Variants in NPR3 observed in about 807,000 individuals in gnomAD.
NPR3 encodes atrial natriuretic peptide receptor 3.
A neutral mutation model predicts 54.5 loss-of-function variants in NPR3; 34 were observed. The ratio of observed to expected loss-of-function variants is 0.62; its 90% CI spans 0.47 to 0.83. The LOEUF (loss-of-function observed/expected upper bound fraction) is 0.83. NPR3 is among the 40% of genes least tolerant of loss of function. The probability of loss-of-function intolerance (pLI) is 0.00; values close to 1 mark genes in which losing one functional copy is unlikely to be tolerated. For missense variants in NPR3, 674 were observed against 720.8 expected, an observed-to-expected ratio of 0.94 and a Z score of 0.74; for synonymous variants, 289 against 297.1, an observed-to-expected ratio of 0.97 and a Z score of 0.28.
upstream of NPR3, among the ~76,000 whole-genome samples, chr5:32,707,663 A>G (rs1738031863): frequency 6.6e-6 from 1 of 152,178 alleles, no homozygotes; most frequent in Admixed American, 6.5e-5. Context: ...GTATTCTCGA[A>G]TACAACTTTA....
intron 1 of NPR3, among the ~76,000 whole-genome samples, chr5:32,692,101 A>G (rs1288950157): frequency 6.6e-6 from 1 of 152,214 alleles, no homozygotes; most frequent in Non-Finnish European, 1.5e-5. Flanking sequence ...TAAGACAAGA[A>G]CCTTGCAGAT....
rs1221547326 is a variant in NPR3, at chr5:32,789,449, T to C, written c.*3104T>C. 1 of 532,398 alleles carries C rather than the reference T, an allele frequency of 1.9e-6. No homozygotes were observed. Among genetic ancestry groups the C allele is most frequent in the South Asian group, 1.4e-5 (1 of 71,094 alleles). The allele number at this position is 532,398 out of a possible 1,614,324, so 33.0% of individuals were successfully genotyped here. A position where few individuals can be genotyped will look rare whatever the true frequency, so the allele number is the denominator to read the frequency against. On this transcript the variant is annotated 3_prime_UTR_variant, in exon 8 of 8. Transcript: ENST00000265074. ...CACATTTCTCTGAAGAACCATCAAC[T>C]TGTCTTTTCTTGAACCACAGGAATG...
chr5:32,716,460 T>C (rs1476677243), intron 1 of NPR3: 1 of 451,890 alleles, frequency 2.2e-6, no homozygotes, highest in African/African-American at 2.0e-5. Context: ...TAACCACACA[T>C]GCAAGCTTTC....
At chr5:32,715,558 T>C (rs1308151878) in intron 1 of NPR3, among the ~76,000 whole-genome samples, 1 of 152,234 alleles carries the variant, frequency 6.6e-6, no homozygotes, top group Non-Finnish European at 1.5e-5. Context: ...CTGTCATGTC[T>C]TTCGCTAATG....
chr5:32,729,323 C>G (rs545221997), intron 2 of NPR3, among the ~76,000 whole-genome samples: 9 of 152,160 alleles, frequency 5.9e-5, no homozygotes, highest in South Asian at 2.1e-4. Flanking sequence ...GCCACCGAGC[C>G]CGGCCTGCCT....
chr5:32,765,238 T>C (rs571106215), intron 3 of NPR3, among the ~76,000 whole-genome samples: 5 of 152,310 alleles, frequency 3.3e-5, no homozygotes, highest in African/African-American at 1.2e-4. Context: ...TCTCAGGTAT[T>C]CAAGACATGG....
rs1742879417 is a variant in NPR3 at position 32,790,997 on chromosome 5, C to G, written c.*4652C>G. On this transcript the variant is annotated 3_prime_UTR_variant, in exon 8 of 8. Transcript: ENST00000265074. ...AAGGGCCTACTTACCAAGTGTAAAT[C>G]ACAACATAGGCTACCAAAATATTTC... 3.0e-5 allele frequency: 5 copies of G among 167,054 alleles called. 1 individual carries two copies. The highest frequency in any genetic ancestry group is 7.3e-5 in the Non-Finnish European group (5 of 68,102). The allele number at this position is 167,054 out of a possible 1,614,324, so 10.3% of individuals were successfully genotyped here.
intron 4 of NPR3, among the ~76,000 whole-genome samples, chr5:32,777,264 A>G (rs1486083080): frequency 6.6e-6 from 1 of 152,254 alleles, no homozygotes; most frequent in African/African-American, 2.4e-5. Flanking sequence ...AATAAACTAT[A>G]TATGCTTATG....
At chr5:32,690,961 G>A (rs1462346471) in intron 1 of NPR3, among the ~76,000 whole-genome samples, 1 of 152,168 alleles carries the variant, frequency 6.6e-6, no homozygotes, top group East Asian at 1.9e-4. Context: ...GGACCTTCTT[G>A]CTCCAGATAA....
rs1742821841 is a variant in NPR3, at chr5:32,789,847, T to C, written c.*3502T>C. ...TTCTTGTAAGCCAGTATACACTGGC[T>C]ATTTGTGGAAATCTCTTTGGGAGAT... On this transcript the variant is annotated 3_prime_UTR_variant, in exon 8 of 8. Transcript: ENST00000265074. 1 of 449,882 alleles carries C rather than the reference T, an allele frequency of 2.2e-6. No homozygotes were observed. Among genetic ancestry groups the C allele is most frequent in the Non-Finnish European group, 4.5e-6 (1 of 223,018 alleles). The allele number at this position is 449,882 out of a possible 1,614,324, so 27.9% of individuals were successfully genotyped here.
chr5:32,696,530 G>T (rs1093565), intron 1 of NPR3, among the ~76,000 whole-genome samples: 105,874 of 151,742 alleles, frequency 0.7, 37,767 homozygotes, highest in African/African-American at 0.81. Flanking sequence ...TTTTTTCTAG[G>T]TCTGTGAAGA....
At position 32,786,776 on chromosome 5, in the gene NPR3, G is replaced by C. The variant is rs1237095755; in HGVS notation, c.*431G>C. The C allele has an allele frequency of 5.7e-6, 1 of 176,052 alleles. No homozygotes were observed. Among genetic ancestry groups the C allele is most frequent in the East Asian group, 1.8e-4 (1 of 5,490 alleles). The allele number at this position is 176,052 out of a possible 1,614,324, so 10.9% of individuals were successfully genotyped here. A position where few individuals can be genotyped will look rare whatever the true frequency, so the allele number is the denominator to read the frequency against. On this transcript the variant is annotated 3_prime_UTR_variant, in exon 8 of 8. Coordinates refer to ENST00000265074, the MANE Select transcript of NPR3 (RefSeq NM_001204375.2). The stretch of plus-strand genomic sequence containing the variant: ...GGAAAGAATTTAACACCCAAAAAGG[G>C]GAAAATGTAATGAAAAATCTCAAGG...
intron 1 of NPR3, among the ~76,000 whole-genome samples, chr5:32,693,019 G>A (rs1355477123): frequency 3.3e-5 from 5 of 152,240 alleles, no homozygotes; most frequent in African/African-American, 1.2e-4. Flanking sequence ...CTACTCAGGA[G>A]GCTGAGACAG....
chr5:32,762,802 G>T (rs1339525294), intron 3 of NPR3, among the ~76,000 whole-genome samples: 3 of 152,172 alleles, frequency 2.0e-5, no homozygotes, highest in East Asian at 1.9e-4. Context: ...TCTGATGATA[G>T]TTTCTTTTGC....
rs1742870183 is a variant in NPR3 at position 32,790,782 on chromosome 5, A to G, written c.*4437A>G. On this transcript the variant is annotated 3_prime_UTR_variant, in exon 8 of 8. Coordinates refer to ENST00000265074, the MANE Select transcript of NPR3 (RefSeq NM_001204375.2). ...AGTGTTCAAGTTTTAAGTGACTTCA[A>G]ACACAATGGAAGTGTTTCAATGGGA... 6.0e-6 allele frequency: 1 copy of G among 167,064 alleles called. No homozygotes were observed. The allele number at this position is 167,064 out of a possible 1,614,324, so 10.3% of individuals were successfully genotyped here. A position where few individuals can be genotyped will look rare whatever the true frequency, so the allele number is the denominator to read the frequency against.
Position 32,782,987 on chromosome 5 carries a change from A to C in NPR3, c.1385A>C (p.Asn462Thr). Residue 462 changes from asparagine to threonine, a missense_variant, in exon 6 of 8, where the codon AAC becomes ACC. Transcript: ENST00000265074. ...WGPLKLRIDENRIVEHTNSSP... is the reference protein window; with the variant it reads ...WGPLKLRIDETRIVEHTNSSP... ...CCTTTAAAACTGAGAATAGATGAAA[A>C]CCGAATTGTAGAGCATACAAACAGC... is the stretch of plus-strand genomic sequence containing the variant. 6.2e-7 allele frequency: 1 copy of C among 1,607,086 alleles called. No homozygotes were observed. The highest frequency in any genetic ancestry group is 8.5e-7 in the Non-Finnish European group (1 of 1,176,168).
intron 6 of NPR3, 124 bp downstream of exon 6, chr5:32,783,152 G>T: frequency 1.2e-6 from 1 of 855,794 alleles, no homozygotes. Context: ...TCTCTGATGT[G>T]GTAAAACGCA....
upstream of NPR3, among the ~76,000 whole-genome samples, chr5:32,709,140 C>T (rs1738084415): frequency 6.6e-6 from 1 of 152,066 alleles, no homozygotes; most frequent in South Asian, 2.1e-4. Flanking sequence ...ACACCGGTGC[C>T]ACTGAAACCC....
chr5:32,743,917 C>T (rs937605348), intron 3 of NPR3, among the ~76,000 whole-genome samples: 3 of 149,736 alleles, frequency 2.0e-5, no homozygotes, highest in African/African-American at 7.4e-5. Flanking sequence ...CCTATGGGTA[C>T]TATAATATTA....
Sources: allele counts gnomAD v4.1 joint callset (sites outside exome capture counted in the v4.1 genomes callset), GRCh38; gene constraint gnomAD v4.1.1; transcripts MANE v1.5; gene names NCBI Gene and HGNC (gene_info 2026-07-23, HGNC 2026-07-21).